Variants in ARHGAP44 observed in about 807,000 individuals in gnomAD.
ARHGAP44 encodes the protein Rho GTPase activating protein 44.
A neutral mutation model predicts 106.8 loss-of-function variants in ARHGAP44; 43 were observed. The ratio of observed to expected loss-of-function variants is 0.40; its 90% CI spans 0.32 to 0.52. The LOEUF is 0.52. Among genes scored for constraint, ARHGAP44 ranks in the 20% least tolerant of loss-of-function variants. ARHGAP44 has a pLI of 0.48. For missense variants in ARHGAP44, 866 were observed against 1,050.5 expected (o/e 0.82, Z 2.43); for synonymous variants, 439 against 410.3 (o/e 1.07, Z -0.85).
At chr17:12,875,554 T>A (rs2036525867) in intron 1 of ARHGAP44, among the ~76,000 whole-genome samples, 1 of 152,146 alleles carries the variant, frequency 6.6e-6, no homozygotes, top group African/African-American at 2.4e-5. Context: ...ATTGTGCCAC[T>A]GCACTCCAGC....
chr17:12,799,009 A>G (rs929867231), intron 1 of ARHGAP44, among the ~76,000 whole-genome samples: 3 of 152,218 alleles, frequency 2.0e-5, no homozygotes, highest in East Asian at 1.9e-4. Context: ...TTGTATTTCT[A>G]TTGTCATTCC....
intron 1 of ARHGAP44, among the ~76,000 whole-genome samples, chr17:12,794,474 T>C (rs920420890): frequency 2.0e-5 from 3 of 152,160 alleles, no homozygotes; most frequent in Non-Finnish European, 4.4e-5. Context: ...AAAAGGATTC[T>C]TAGAAACGAT....
intron 1 of ARHGAP44, among the ~76,000 whole-genome samples, chr17:12,861,270 G>A (rs548198071): frequency 7.2e-5 from 11 of 152,314 alleles, no homozygotes; most frequent in East Asian, 1.9e-4. Context: ...GGTTACAGGC[G>A]TGAGCCACCG....
At chr17:12,833,450 G>A (rs1171376365) in intron 1 of ARHGAP44, among the ~76,000 whole-genome samples, 3 of 151,864 alleles carry the variant, frequency 2.0e-5, no homozygotes, top group East Asian at 1.9e-4. Flanking sequence ...TTTTCCTTTC[G>A]TACTTTATAG....
chr17:12,945,101 C>A (rs983988460), intron 10 of ARHGAP44, among the ~76,000 whole-genome samples: 6 of 151,924 alleles, frequency 3.9e-5, no homozygotes, highest in Admixed American at 3.3e-4. Context: ...ACCTCCGCCT[C>A]CTGGGTTCAA....
intron 1 of ARHGAP44, among the ~76,000 whole-genome samples, chr17:12,837,514 C>T (rs1045364752): frequency 5.3e-5 from 8 of 151,834 alleles, no homozygotes; most frequent in African/African-American, 1.9e-4. Context: ...AATGAGTTGA[C>T]CTGAGGAAAT....
chr17:12,878,558 A>C (rs1366484666), intron 1 of ARHGAP44, among the ~76,000 whole-genome samples: 1 of 148,176 alleles, frequency 6.7e-6, no homozygotes, highest in Non-Finnish European at 1.5e-5. Flanking sequence ...GATGATGAAT[A>C]ATGATCCTTG....
chr17:12,968,700 G>C (rs11078109), intron 16 of ARHGAP44, among the ~76,000 whole-genome samples: 1 of 151,544 alleles, frequency 6.6e-6, no homozygotes, highest in African/African-American at 2.4e-5. Flanking sequence ...ATAAACTCCA[G>C]TCCTCATTTT....
intron 9 of ARHGAP44, 32 bp downstream of exon 9, chr17:12,943,701 G>GC (rs1468067729): frequency 2.4e-5 from 38 of 1,606,066 alleles, no homozygotes; most frequent in Non-Finnish European, 3.2e-5. Context: ...AGAAGGGAGG[G>GC]CCGGGGTGCC....
chr17:12,883,900 T>G (rs898070786), intron 1 of ARHGAP44, among the ~76,000 whole-genome samples: 1 of 152,166 alleles, frequency 6.6e-6, no homozygotes, highest in Non-Finnish European at 1.5e-5. Flanking sequence ...TGACATCTAT[T>G]GTGGCAAAAT....
chr17:12,924,435 G>C (rs527597984), intron 6 of ARHGAP44, among the ~76,000 whole-genome samples: 37 of 152,238 alleles, frequency 2.4e-4, no homozygotes, highest in African/African-American at 8.9e-4. Flanking sequence ...GCTTAAAGAA[G>C]GAGCCTAATT....
At chr17:12,894,008 T>C (rs974297746) in intron 1 of ARHGAP44, among the ~76,000 whole-genome samples, 1 of 152,206 alleles carries the variant, frequency 6.6e-6, no homozygotes, top group Admixed American at 6.5e-5. Context: ...GGAGAATTGC[T>C]AAAATACATT....
At chr17:12,967,421 G>A (rs1235810409) in intron 16 of ARHGAP44, among the ~76,000 whole-genome samples, 1 of 151,864 alleles carries the variant, frequency 6.6e-6, no homozygotes, top group African/African-American at 2.4e-5. Context: ...TGGTTGCAAT[G>A]TCTGGAACTG....
chr17:12,938,796 C>T (rs1405143120), intron 7 of ARHGAP44, among the ~76,000 whole-genome samples: 1 of 152,052 alleles, frequency 6.6e-6, no homozygotes, highest in Non-Finnish European at 1.5e-5. Flanking sequence ...TTATAGTTTC[C>T]TTACTTGAAG....
intron 15 of ARHGAP44, among the ~76,000 whole-genome samples, chr17:12,957,021 G>T (rs1483057529): frequency 6.6e-6 from 1 of 152,126 alleles, no homozygotes; most frequent in Admixed American, 6.5e-5. Flanking sequence ...GTCCGATCCG[G>T]CTCATCGCAT....
At chr17:12,906,615 G>GTTTATTA (rs1293847548) in intron 3 of ARHGAP44, among the ~76,000 whole-genome samples, 2 of 152,180 alleles carry the variant, frequency 1.3e-5, no homozygotes, top group African/African-American at 4.8e-5. Flanking sequence ...GTATGATGAT[G>GTTTATTA]TTTATTATTT....
chr17:12,987,046 T>A (rs2039978162), intron 20 of ARHGAP44: 6 of 1,334,528 alleles, frequency 4.5e-6, no homozygotes. Flanking sequence ...TTTGTGACGT[T>A]CATGTTTTGT....
intron 1 of ARHGAP44, among the ~76,000 whole-genome samples, chr17:12,836,646 G>A (rs1476884738): frequency 1.3e-5 from 2 of 150,938 alleles, no homozygotes; most frequent in Non-Finnish European, 2.9e-5. Context: ...GACAGAGTGA[G>A]ACTCTGTCTC....
At chr17:12,890,112 T>A (rs1462766429) in intron 1 of ARHGAP44, among the ~76,000 whole-genome samples, 1 of 152,046 alleles carries the variant, frequency 6.6e-6, no homozygotes, top group Non-Finnish European at 1.5e-5. Flanking sequence ...GGCAGCCCTG[T>A]CCCCATGGCT....
Sources: gnomAD v4.1 joint callset for allele counts (sites outside exome capture counted in the v4.1 genomes callset) on GRCh38, gnomAD v4.1.1 for gene constraint, MANE v1.5 for transcripts, NCBI Gene and HGNC (gene_info 2026-07-23, HGNC 2026-07-21) for gene names.